Variants in ASTN2 observed in about 807,000 individuals in gnomAD.
ASTN2 encodes astrotactin-2.
ASTN2 carries 54 observed loss-of-function variants against 139.8 expected under a neutral mutation model. That is an observed-to-expected ratio of 0.39 (90% CI 0.31 to 0.48). The LOEUF (loss-of-function observed/expected upper bound fraction) is 0.48. Among genes scored for constraint, ASTN2 ranks in the 20% least tolerant of loss-of-function variants. ASTN2 has a pLI of 0.95. For synonymous variants in ASTN2, 756 were observed against 719.5 expected (o/e 1.05, Z -0.81); for missense variants, 1,565 against 1,725.1 (o/e 0.91, Z 1.64).
At chr9:116,623,719 C>G (rs1227903640) in intron 17 of ASTN2, among the ~76,000 whole-genome samples, 1 of 152,174 alleles carries the variant, frequency 6.6e-6, no homozygotes, top group African/African-American at 2.4e-5. Flanking sequence ...CTCAAAATTA[C>G]CCATTGAAAT....
chr9:117,056,214 G>A (rs1252409158), intron 5 of ASTN2, among the ~76,000 whole-genome samples: 1 of 152,220 alleles, frequency 6.6e-6, no homozygotes, highest in African/African-American at 2.4e-5. Context: ...CACAGAAACT[G>A]TTAGATAATG....
At chr9:117,187,652 A>T (rs1439760401) in intron 3 of ASTN2, among the ~76,000 whole-genome samples, 3 of 152,172 alleles carry the variant, frequency 2.0e-5, no homozygotes, top group East Asian at 3.9e-4. Flanking sequence ...TGGTCATGTG[A>T]TGCCCTGCGC....
Position 117,218,794 on chromosome 9 carries a change from A to C in ASTN2, c.631-4052T>G, listed in dbSNP as rs143125739. Reference sequence around the variant, plus strand: ...AGCTAAGACTGGGAGTCAGAAACACAAGGTTGAAATCTAATGCTGCACATA... The same window carrying C: ...AGCTAAGACTGGGAGTCAGAAACACCAGGTTGAAATCTAATGCTGCACATA... On this transcript the variant is annotated intron_variant, in intron 2 of 22. Transcript: ENST00000313400. Among the ~76,000 whole-genome samples the C allele has an allele frequency of 6.6e-5, 10 of 152,334 alleles. No homozygotes were observed. In the East Asian group the frequency reaches 1.9e-3, roughly 29 times the overall value.
intron 16 of ASTN2, among the ~76,000 whole-genome samples, chr9:116,725,079 A>G (rs557222610): frequency 2.0e-5 from 3 of 152,312 alleles, no homozygotes; most frequent in Admixed American, 2.0e-4. Context: ...TAAACCACTT[A>G]TCTTTAATGT....
chr9:117,189,529 A>G (rs925234225), intron 3 of ASTN2, among the ~76,000 whole-genome samples: 1 of 152,196 alleles, frequency 6.6e-6, no homozygotes, highest in Non-Finnish European at 1.5e-5. Context: ...AATGAAATGA[A>G]TATTTCAGAC....
chr9:116,599,161 C>T lies in ASTN2; in HGVS notation c.3355+19163G>A, dbSNP rs758811872. On this transcript the variant is annotated intron_variant, in intron 19 of 22. Transcript: ENST00000313400. ...TCCATGCATTCTCTAAAGTGGAAAG[C>T]TGCTAGTCAACTCTCCTGCCTACTG... Among the ~76,000 whole-genome samples the T allele has an allele frequency of 3.3e-5, 5 of 152,282 alleles. No individual in the cohort carries two copies. In the South Asian group the frequency reaches 6.2e-4, roughly 19 times the overall value.
chr9:117,090,765 G>A (rs1244080410), intron 5 of ASTN2, among the ~76,000 whole-genome samples: 1 of 152,210 alleles, frequency 6.6e-6, no homozygotes, highest in Non-Finnish European at 1.5e-5. Flanking sequence ...GGATGACAAG[G>A]TGAGGTCAGG....
intron 1 of ASTN2, among the ~76,000 whole-genome samples, chr9:117,400,947 G>A (rs1445809515): frequency 2.6e-5 from 4 of 152,096 alleles, no homozygotes; most frequent in South Asian, 4.1e-4. Context: ...GACTTGCTTC[G>A]AGTGATCCTA....
At chr9:116,444,655 G>T (rs146795819) in intron 20 of ASTN2, among the ~76,000 whole-genome samples, 18 of 152,114 alleles carry the variant, frequency 1.2e-4, no homozygotes, top group Non-Finnish European at 7.4e-5. Context: ...AAAACTTCTT[G>T]GTACAAAGGA....
chr9:116,622,636 T>A lies in ASTN2; in HGVS notation c.3073-2193A>T, dbSNP rs150238440. Among the ~76,000 whole-genome samples the A allele has an allele frequency of 2.0e-3, 298 of 152,342 alleles. 2 individuals are homozygous for A. The highest frequency in any genetic ancestry group is 6.9e-3 in the African/African-American group (288 of 41,582). On this transcript the variant is annotated intron_variant, in intron 17 of 22. Coordinates refer to ENST00000313400, the MANE Select transcript of ASTN2 (RefSeq NM_001365068.1). ...GATTTCTGTGACTCCCAAGGGCAGG[T>A]CTTTTCTGTTCAACAATTCTGAGCC...
intron 16 of ASTN2, among the ~76,000 whole-genome samples, chr9:116,717,422 T>C (rs528091556): frequency 6.6e-6 from 1 of 152,202 alleles, no homozygotes; most frequent in East Asian, 1.9e-4. Context: ...CTCTGTCTTC[T>C]GGCGTGCTGT....
intron 1 of ASTN2, among the ~76,000 whole-genome samples, chr9:117,368,836 G>A (rs1392756706): frequency 2.0e-5 from 3 of 152,108 alleles, no homozygotes; most frequent in Non-Finnish European, 2.9e-5. Flanking sequence ...CACTGACAAA[G>A]GATTACTGTG....
At chr9:116,986,874 A>C (rs1836697912) in intron 7 of ASTN2, among the ~76,000 whole-genome samples, 1 of 152,220 alleles carries the variant, frequency 6.6e-6, no homozygotes, top group African/African-American at 2.4e-5. Flanking sequence ...AACAGGGATG[A>C]AAGCAGGCCA....
At chr9:117,054,031 G>GA (rs56060705) in intron 5 of ASTN2, among the ~76,000 whole-genome samples, 25,942 of 139,802 alleles carry the variant, frequency 0.19, 2,446 homozygotes, top group African/African-American at 0.25. Flanking sequence ...GATAAAAAAA[G>GA]AAAAAAAAAA....
chr9:116,908,228 A>G (rs1038112696), intron 10 of ASTN2, among the ~76,000 whole-genome samples: 5 of 152,308 alleles, frequency 3.3e-5, no homozygotes, highest in African/African-American at 1.2e-4. Context: ...CTTGGATAAG[A>G]CTAAAATAGA....
intron 3 of ASTN2, among the ~76,000 whole-genome samples, chr9:117,156,128 T>G (rs1490694847): frequency 1.3e-5 from 2 of 152,064 alleles, no homozygotes; most frequent in Non-Finnish European, 2.9e-5. Flanking sequence ...CTAGCACCAC[T>G]TCTAATATTA....
Position 116,648,550 on chromosome 9 carries a change from T to C in ASTN2, c.3072+2978A>G, listed in dbSNP as rs117220912. On this transcript the variant is annotated intron_variant, in intron 17 of 22. Coordinates refer to ENST00000313400, the MANE Select transcript of ASTN2 (RefSeq NM_001365068.1). ...CTGGAGGTGTGGAGACATACACATA[T>C]GTATTTTATTGTTGGTGTTAGTTTG... Among the ~76,000 whole-genome samples the C allele has an allele frequency of 5.1e-4, 78 of 152,188 alleles. No individual in the cohort carries two copies. The East Asian group carries it at 0.012, about 23-fold the overall frequency.
intron 6 of ASTN2, among the ~76,000 whole-genome samples, chr9:117,026,571 T>G (rs1016247559): frequency 9.9e-5 from 15 of 152,156 alleles, no homozygotes; most frequent in African/African-American, 3.4e-4. Context: ...TTTTTCTAGC[T>G]CTACAGGAAC....
intron 5 of ASTN2, among the ~76,000 whole-genome samples, chr9:117,079,199 T>C (rs1828358910): frequency 6.6e-6 from 1 of 152,074 alleles, no homozygotes; most frequent in South Asian, 2.1e-4. Flanking sequence ...CTACAAATAA[T>C]TAAAAAATTA....
Sources: gnomAD v4.1 joint callset for allele counts (sites outside exome capture counted in the v4.1 genomes callset) on GRCh38, gnomAD v4.1.1 for gene constraint, MANE v1.5 for transcripts, NCBI Gene and HGNC (gene_info 2026-07-23, HGNC 2026-07-21) for gene names.